The following IPO5 variants were observed in gnomAD, a reference collection of about 807,000 sequenced individuals.
IPO5 encodes importin-5.
Under a neutral mutation model 143.3 loss-of-function variants are expected in IPO5, and 18 were observed. That is an observed-to-expected ratio of 0.13 (90% CI 0.09 to 0.19). The LOEUF (loss-of-function observed/expected upper bound fraction) is 0.19, where lower values mean the gene tolerates loss of function less well. IPO5 is among the 10% of genes least tolerant of loss of function. The pLI is 1.00. For synonymous variants in IPO5, 477 were observed against 465.7 expected (o/e 1.02, Z -0.31); for missense variants, 1,013 against 1,336.9 (o/e 0.76, Z 3.78).
chr13:97,986,506 C>T (rs1015228446), intron 6 of IPO5, among the ~76,000 whole-genome samples: 3 of 152,068 alleles, frequency 2.0e-5, no homozygotes, highest in African/African-American at 7.2e-5. Context: ...CAGGCATGCG[C>T]CACCACACCC....
chr13:97,971,726 A>T (rs772377798), intron 3 of IPO5, among the ~76,000 whole-genome samples: 11 of 152,148 alleles, frequency 7.2e-5, no homozygotes, highest in Non-Finnish European at 1.6e-4. Flanking sequence ...AGGTAGGAGG[A>T]TCGCTTGAGC....
At chr13:97,964,026 C>G (rs1253012925) in intron 2 of IPO5, among the ~76,000 whole-genome samples, 1 of 152,086 alleles carries the variant, frequency 6.6e-6, no homozygotes, top group Non-Finnish European at 1.5e-5. Flanking sequence ...TATCTTTTGC[C>G]TACTTTTTGA....
chr13:98,008,632 A>G (rs769066668), intron 18 of IPO5, among the ~76,000 whole-genome samples: 2 of 152,148 alleles, frequency 1.3e-5, no homozygotes, highest in Non-Finnish European at 2.9e-5. Flanking sequence ...AAGGCATTTC[A>G]TTAGGAGGAA....
chr13:97,995,709 A>G (rs1051150321), intron 11 of IPO5, among the ~76,000 whole-genome samples: 2 of 151,978 alleles, frequency 1.3e-5, no homozygotes, highest in Non-Finnish European at 1.5e-5. Flanking sequence ...GAGCCGAGAT[A>G]CCGCCACTGC....
rs200747505 is a variant in IPO5 at position 97,974,309 on chromosome 13, C to CT, written c.-4-2369dup. 5.1e-3 allele frequency among the ~76,000 whole-genome samples: 710 copies of CT among 139,056 alleles called. 2 individuals are homozygous for CT. The highest frequency in any genetic ancestry group is 7.8e-3 in the Admixed American group (108 of 13,850). The allele number at this position is 139,056 out of a possible 152,430, so 91.2% of individuals were successfully genotyped here. ...GAATGAGTTGTTTTTGTCTGAAATT[C>CT]TTTTTTTTTTTTTTTGAGACGGAGT... On this transcript the variant is annotated intron_variant, in intron 3 of 28. Coordinates refer to ENST00000651721, the MANE Select transcript of IPO5 (RefSeq NM_002271.6).
intron 2 of IPO5, among the ~76,000 whole-genome samples, chr13:97,967,792 C>G (rs182721262): frequency 6.6e-6 from 1 of 152,142 alleles, no homozygotes. Context: ...CCACCACGCC[C>G]GGCTAATTTT....
At chr13:98,012,874 G>A (rs557784602) in intron 21 of IPO5, among the ~76,000 whole-genome samples, 1 of 149,212 alleles carries the variant, frequency 6.7e-6, no homozygotes, top group East Asian at 2.0e-4. Context: ...TCAAACTCCT[G>A]GGCTCAAGCA....
intron 11 of IPO5, among the ~76,000 whole-genome samples, chr13:97,994,983 G>A (rs1010170280): frequency 5.3e-5 from 8 of 151,806 alleles, no homozygotes; most frequent in Non-Finnish European, 1.2e-4. Context: ...AAAATTAGTC[G>A]GGCATGGTGG....
chr13:97,988,949 G>T, intron 6 of IPO5, 113 bp from the exon 7 acceptor site: 3 of 520,302 alleles, frequency 5.8e-6, no homozygotes, highest in Non-Finnish European at 1.0e-5. Context: ...TAGCAAAAGT[G>T]ACATTTTTCA....
intron 2 of IPO5, among the ~76,000 whole-genome samples, chr13:97,961,245 G>A (rs139671163): frequency 1.4e-4 from 22 of 152,316 alleles, no homozygotes; most frequent in African/African-American, 4.1e-4. Context: ...CAGTTGAATT[G>A]TTTCCACTTT....
intron 12 of IPO5, among the ~76,000 whole-genome samples, chr13:97,998,008 C>G (rs961970749): frequency 3.9e-5 from 6 of 152,178 alleles, no homozygotes; most frequent in African/African-American, 1.4e-4. Flanking sequence ...CGGAGTCTCG[C>G]TGTGTCGCCC....
intron 4 of IPO5, among the ~76,000 whole-genome samples, chr13:97,978,128 G>A (rs575405874): frequency 1.3e-5 from 2 of 152,290 alleles, no homozygotes; most frequent in Non-Finnish European, 2.9e-5. Context: ...TATTATACAT[G>A]TAATACATGT....
intron 6 of IPO5, among the ~76,000 whole-genome samples, chr13:97,988,710 C>T (rs1182082951): frequency 1.3e-5 from 2 of 152,146 alleles, no homozygotes; most frequent in East Asian, 1.9e-4. Flanking sequence ...ATTGCTTGAA[C>T]CCTGGAGGCA....
chr13:97,982,652 A>T (rs1025525080), intron 5 of IPO5, 69 bp downstream of exon 5: 12 of 995,726 alleles, frequency 1.2e-5, no homozygotes, highest in Admixed American at 2.0e-5. Flanking sequence ...TCATAGTAGA[A>T]ATTAGAGAAA....
Position 98,020,929 on chromosome 13 carries a change from G to T in IPO5, c.3066-63G>T. On this transcript the variant is annotated intron_variant, in intron 27 of 28. Coordinates refer to ENST00000651721, the MANE Select transcript of IPO5 (RefSeq NM_002271.6). ...AATTTAAAAGGCCATTGATTTTAGTGAACACATAATCATATTTCTCCTTAT... is the reference window on the plus strand; with the variant it reads ...AATTTAAAAGGCCATTGATTTTAGTTAACACATAATCATATTTCTCCTTAT... 3.8e-6 allele frequency: 5 copies of T among 1,325,014 alleles called. No homozygotes were observed. The South Asian group carries it at 6.5e-5, about 17-fold the overall frequency. The allele number at this position is 1,325,014 out of a possible 1,614,324, so 82.1% of individuals were successfully genotyped here. A position where few individuals can be genotyped will look rare whatever the true frequency, so the allele number is the denominator to read the frequency against.
rs71117684 is a variant in IPO5, at chr13:97,983,965, CTTTTTTT to C, written c.171+1407_171+1413del. Among the ~76,000 whole-genome samples, 16 of 45,842 alleles carry C rather than the reference CTTTTTTT, an allele frequency of 3.5e-4. No individual in the cohort carries two copies. In the South Asian group the frequency reaches 5.4e-3, roughly 15 times the overall value. 30.1% of individuals were successfully genotyped at this position (45,842 alleles called of 152,430 possible). On this transcript the variant is annotated intron_variant, in intron 5 of 28. Coordinates refer to ENST00000651721, the MANE Select transcript of IPO5 (RefSeq NM_002271.6). ...TGAAGAACCCTATATAGGGTAACTT[CTTTTTTT>C]TTTTTTTTTTTTTTTTTTTTTTTTG...
chr13:97,984,941 A>G (rs911552733), intron 5 of IPO5, among the ~76,000 whole-genome samples: 2 of 151,010 alleles, frequency 1.3e-5, no homozygotes, highest in African/African-American at 5.0e-5. Context: ...GGTATCGGGA[A>G]CTCGTAATGT....
At chr13:98,012,194 A>C in intron 20 of IPO5, 52 bp from the exon 21 acceptor site, 1 of 1,067,262 alleles carries the variant, frequency 9.4e-7, no homozygotes, top group African/African-American at 1.6e-5. Context: ...GTTAATATTA[A>C]TGCTTGAAGA....
At chr13:98,003,136 T>G in intron 16 of IPO5, 99 bp downstream of exon 16, 1 of 896,752 alleles carries the variant, frequency 1.1e-6, no homozygotes, top group Non-Finnish European at 1.7e-6. Flanking sequence ...AGCATGACCA[T>G]AAAGAATATA....
Sources: gnomAD v4.1 joint callset for allele counts (sites outside exome capture counted in the v4.1 genomes callset) on GRCh38, gnomAD v4.1.1 for gene constraint, MANE v1.5 for transcripts, NCBI Gene and HGNC (gene_info 2026-07-23, HGNC 2026-07-21) for gene names.